RSPH6A: variants seen among roughly 807,000 people sequenced by gnomAD.
RSPH6A encodes the protein radial spoke head protein 6 homolog A.
A neutral mutation model predicts 66.1 loss-of-function variants in RSPH6A; 49 were observed. The observed-to-expected ratio is 0.74, with a 90% confidence interval of 0.59 to 0.94. The LOEUF (loss-of-function observed/expected upper bound fraction) is 0.94. RSPH6A is among the 40% of genes least tolerant of loss of function. RSPH6A has a pLI of 0.00. For synonymous variants in RSPH6A, 419 were observed against 402.4 expected, an observed-to-expected ratio of 1.04 and a Z score of -0.49; for missense variants, 977 against 948.3, an observed-to-expected ratio of 1.03 and a Z score of -0.40.
At chr19:45,808,023 A>C (rs2146287227) in intron 2 of RSPH6A, among the ~76,000 whole-genome samples, 1 of 152,312 alleles carries the variant, frequency 6.6e-6, no homozygotes, top group South Asian at 2.1e-4. Context: ...ACTTATTTCT[A>C]TTTATCTGAC....
At chr19:45,800,387 C>T (rs901496533) in intron 5 of RSPH6A, 59 bp downstream of exon 5, 2 of 1,517,448 alleles carry the variant, frequency 1.3e-6, no homozygotes, top group African/African-American at 1.4e-5. Context: ...CCCAGCCCAA[C>T]CAGGCTTGAA....
chr19:45,814,356 T>C (rs1000902761), intron 1 of RSPH6A, among the ~76,000 whole-genome samples, 171 bp downstream of exon 1: 1 of 152,196 alleles, frequency 6.6e-6, no homozygotes, highest in African/African-American at 2.4e-5. Context: ...CCAGCACATG[T>C]CTGGGAAGTG....
At chr19:45,810,530 C>A in intron 2 of RSPH6A, 73 bp downstream of exon 2, 1 of 1,411,356 alleles carries the variant, frequency 7.1e-7, no homozygotes, top group Non-Finnish European at 1.0e-6. Flanking sequence ...CAGGCCTTGG[C>A]ACAGGCTGTG....
chr19:45,804,697 A>G lies in RSPH6A; in HGVS notation c.1208T>C (p.Val403Ala), dbSNP rs1970518581. The change falls in exon 3 of 6, where the codon GTC becomes GCC. Residue 403 changes from valine to alanine, a missense_variant. Physicochemically the swap from Val to Ala is moderately conservative, Grantham distance 64. Transcript: ENST00000221538. This position sits in a 1 kb window ranked among gnomAD's most constrained non-coding sequence, Gnocchi z 5.8. ...EEDEEKAVDI[V>A]PKSVWKPPPV... ...CGGCGGCTTCCATACGGACTTAGGG[A>G]CGATGTCCACGGCCTTCTCCTCGTC... The G allele has an allele frequency of 1.2e-6, 2 of 1,612,810 alleles. No homozygotes were observed. The highest frequency in any genetic ancestry group is 1.7e-6 in the Non-Finnish European group (2 of 1,179,762).
chr19:45,802,545 G>T, intron 3 of RSPH6A, among the ~76,000 whole-genome samples: 1 of 141,656 alleles, frequency 7.1e-6, no homozygotes, highest in South Asian at 2.2e-4. Context: ...TTTACTCTGT[G>T]GCCCAGGCTG....
rs1364845808 is a variant in RSPH6A at position 45,804,012 on chromosome 19, G to C, written c.1653+240C>G. ...CTGTCTCAAAAAAAAAAAAAGAAAA[G>C]AAAAGAAAAGAAAAAGAAAAAAAAG... On this transcript the variant is annotated intron_variant, in intron 3 of 5. Coordinates refer to ENST00000221538, the MANE Select transcript of RSPH6A (RefSeq NM_030785.4). The surrounding 1 kb of genome is among the most constrained non-coding windows in gnomAD (Gnocchi z 5.8). 7.5e-6 allele frequency among the ~76,000 whole-genome samples: 1 copy of C among 132,852 alleles called. No homozygotes were observed. Among genetic ancestry groups the C allele is most frequent in the Admixed American group, 7.5e-5 (1 of 13,308 alleles). The allele number at this position is 132,852 out of a possible 152,430, so 87.2% of individuals were successfully genotyped here.
intron 3 of RSPH6A, among the ~76,000 whole-genome samples, chr19:45,802,633 G>A (rs1306410368): frequency 6.6e-6 from 1 of 150,716 alleles, no homozygotes; most frequent in African/African-American, 2.4e-5. Context: ...AGCCTCCTGA[G>A]TAGCTGGGAT....
Position 45,804,255 on chromosome 19 carries a change from C to A in RSPH6A, c.1650G>T (p.Pro550=), listed in dbSNP as rs560839516. The part of the protein sequence containing the change: ...NWVHHTQHIL[P]QGRCTWVNPL... ...AGGCGGGAGTCCCGGCGCTCACCTG[C>A]GGCAGGATGTGCTGTGTGTGATGCA... is the stretch of plus-strand genomic sequence containing the variant. The change falls in exon 3 of 6, where the codon CCG becomes CCT. Residue 550 remains proline (P), a synonymous_variant. Transcript: ENST00000221538. This position sits in a 1 kb window ranked among gnomAD's most constrained non-coding sequence, Gnocchi z 5.8. The A allele has an allele frequency of 2.5e-6, 4 of 1,599,512 alleles. No individual in the cohort carries two copies. The highest frequency in any genetic ancestry group is 3.4e-6 in the Non-Finnish European group (4 of 1,169,592).
At chr19:45,800,615 G>A in intron 4 of RSPH6A, 52 bp from the exon 5 acceptor site, 1 of 1,449,130 alleles carries the variant, frequency 6.9e-7, no homozygotes, top group Non-Finnish European at 9.5e-7. Flanking sequence ...AGGCCCCCAG[G>A]CCCTGCACTG....
At chr19:45,800,754 ACACACACACACACACACACACT>A (rs1163481972) in intron 4 of RSPH6A, among the ~76,000 whole-genome samples, 191 bp from the exon 5 acceptor site, 72 of 135,140 alleles carry the variant, frequency 5.3e-4, no homozygotes, top group African/African-American at 1.7e-3. Context: ...ACACACACAC[ACACACACACACACACACACACT>A]CTCTCTCTCT....
At chr19:45,807,567 G>C (rs191458680) in intron 2 of RSPH6A, among the ~76,000 whole-genome samples, 1 of 152,082 alleles carries the variant, frequency 6.6e-6, no homozygotes, top group South Asian at 2.1e-4. Context: ...CTGGAGTGCA[G>C]TGGCACAATC....
Position 45,804,701 on chromosome 19 carries a change from T to C in RSPH6A, c.1204A>G (p.Ile402Val), listed in dbSNP as rs748063699. 5.0e-6 allele frequency: 8 copies of C among 1,613,354 alleles called. No individual in the cohort carries two copies. Among genetic ancestry groups the C allele is most frequent in the Admixed American group, 1.7e-5 (1 of 59,952 alleles). The change falls in exon 3 of 6, where the codon ATC (isoleucine) becomes GTC (valine). Residue 402 changes from isoleucine to valine, a missense_variant. Physicochemically the swap from Ile to Val is conservative, Grantham distance 29. Coordinates refer to ENST00000221538, the MANE Select transcript of RSPH6A (RefSeq NM_030785.4). The surrounding 1 kb of genome is among the most constrained non-coding windows in gnomAD (Gnocchi z 5.8). ...GGCTTCCATACGGACTTAGGGACGATGTCCACGGCCTTCTCCTCGTCCTCC... is the reference window on the plus strand; with the variant it reads ...GGCTTCCATACGGACTTAGGGACGACGTCCACGGCCTTCTCCTCGTCCTCC... Reference protein sequence around the residue: ...GEEDEEKAVDIVPKSVWKPPP... With the variant: ...GEEDEEKAVDVVPKSVWKPPP...
In RSPH6A at chr19:45,815,129, C is replaced by A; in HGVS notation, c.48G>T (p.Pro16=). The change falls in exon 1 of 6, where the codon CCG becomes CCT. Residue 16 remains proline (P), a synonymous_variant. Transcript: ENST00000221538. ...PYPERPAQQP[P]GRRTSQASQR... ...GGGAGGCCTGAGAAGTCCTCCGGCC[C>A]GGAGGCTGCTGGGCAGGGCGCTCAG... The A allele has an allele frequency of 6.2e-7, 1 of 1,611,540 alleles. No individual in the cohort carries two copies. The highest frequency in any genetic ancestry group is 1.7e-4 in the Middle Eastern group (1 of 5,850).
chr19:45,808,498 CA>C (rs1348399137), intron 2 of RSPH6A, among the ~76,000 whole-genome samples: 2 of 152,044 alleles, frequency 1.3e-5, no homozygotes, highest in Non-Finnish European at 2.9e-5. Context: ...GAGGCTGAGG[CA>C]GGAGAATCAC....
chr19:45,802,107 A>T lies in RSPH6A; in HGVS notation c.1798+13T>A, dbSNP rs537390248. On this transcript the variant is annotated intron_variant, in intron 4 of 5. Coordinates refer to ENST00000221538, the MANE Select transcript of RSPH6A (RefSeq NM_030785.4). ...CCCAGCCAGTGGTGTACAGGCTGAG[A>T]GGGCTTCCTTACCTGCATCTTCTGA... The T allele has an allele frequency of 2.0e-6, 3 of 1,499,320 alleles. No individual in the cohort carries two copies. The highest frequency in any genetic ancestry group is 2.7e-6 in the Non-Finnish European group (3 of 1,112,624). The allele number at this position is 1,499,320 out of a possible 1,614,324, so 92.9% of individuals were successfully genotyped here.
chr19:45,806,325 G>A (rs1035538448), intron 2 of RSPH6A, among the ~76,000 whole-genome samples: 1 of 151,984 alleles, frequency 6.6e-6, no homozygotes, highest in Non-Finnish European at 1.5e-5. Context: ...GAGAAAGACA[G>A]AAAGACAGAG....
In RSPH6A at chr19:45,814,594, G is replaced by C. The variant is rs202165658; in HGVS notation, c.583C>G (p.Leu195Val). 1.0e-5 allele frequency: 16 copies of C among 1,561,698 alleles called. No individual in the cohort carries two copies. Among genetic ancestry groups the C allele is most frequent in the Admixed American group, 5.9e-5 (3 of 51,048 alleles). The change falls in exon 1 of 6, where the codon CTG becomes GTG. Residue 195 changes from leucine (L) to valine (V), a missense_variant. Transcript: ENST00000221538. ...TTGGCGTTCTGCACGGCCAGCTCCA[G>C]AGGCTCGGGCTCAGGCACCTGGGCA... ...YSAQVPEPEP[L>V]ELAVQNAKAY...
chr19:45,806,488 T>C (rs762594072), intron 2 of RSPH6A, among the ~76,000 whole-genome samples: 2 of 151,338 alleles, frequency 1.3e-5, no homozygotes, highest in Non-Finnish European at 2.9e-5. Context: ...CTGGCCAACA[T>C]GGTGAAATCT....
At position 45,804,140 on chromosome 19, in the gene RSPH6A, G is replaced by A. The variant is rs1014285712; in HGVS notation, c.1653+112C>T. 17 of 803,538 alleles carry A rather than the reference G, an allele frequency of 2.1e-5. No homozygotes were observed. Among genetic ancestry groups the A allele is most frequent in the Non-Finnish European group, 3.1e-5 (16 of 516,790 alleles). 49.8% of individuals were successfully genotyped at this position (803,538 alleles called of 1,614,324 possible). On this transcript the variant is annotated intron_variant, in intron 3 of 5. Transcript: ENST00000221538. This position sits in a 1 kb window ranked among gnomAD's most constrained non-coding sequence, Gnocchi z 5.8. ...CCAATGAATGGATGGATGAATGAAC[G>A]AATGAATATTAGTTGCCCAGCAGAG...
Sources: allele counts gnomAD v4.1 joint callset (sites outside exome capture counted in the v4.1 genomes callset), GRCh38; gene constraint gnomAD v4.1.1; non-coding constraint Gnocchi (gnomAD v3.1); transcripts MANE v1.5; gene names NCBI Gene and HGNC (gene_info 2026-07-23, HGNC 2026-07-21).